Variants in CSMD2 observed in about 807,000 individuals in gnomAD.
CSMD2 encodes the protein CUB and sushi domain-containing protein 2.
Under a neutral mutation model 398.5 loss-of-function variants are expected in CSMD2, and 130 were observed. The observed-to-expected ratio is 0.33, with a 90% CI of 0.28 to 0.38. CSMD2 has a LOEUF of 0.38. Among genes scored for constraint, CSMD2 ranks in the 10% least tolerant of loss-of-function variants. The pLI, the probability that CSMD2 is intolerant of heterozygous loss-of-function variation, is 1.00. For missense variants in CSMD2, 3,829 were observed against 4,764.9 expected (o/e 0.80, Z 5.78); for synonymous variants, 1,828 against 1,908.5 (o/e 0.96, Z 1.10).
chr1:34,001,377 G>A (rs1224665544), intron 3 of CSMD2, among the ~76,000 whole-genome samples: 1 of 152,170 alleles, frequency 6.6e-6, no homozygotes, highest in Non-Finnish European at 1.5e-5. Flanking sequence ...GTATTCTGGT[G>A]AAGATACTAC....
At chr1:34,156,347 C>A (rs373498810) in intron 1 of CSMD2, among the ~76,000 whole-genome samples, 22 of 152,140 alleles carry the variant, frequency 1.4e-4, no homozygotes, top group East Asian at 1.4e-3. Context: ...TGAAGACAAA[C>A]CTCCCGAGGC....
At chr1:33,819,415 C>T (rs1657842099) in intron 9 of CSMD2, among the ~76,000 whole-genome samples, 1 of 152,124 alleles carries the variant, frequency 6.6e-6, no homozygotes. Flanking sequence ...GTTCAGTATC[C>T]ATTCAATGAG....
chr1:33,583,929 A>G, intron 46 of CSMD2, 99 bp from the exon 47 acceptor site: 1 of 1,001,012 alleles, frequency 1.0e-6, no homozygotes. Context: ...CCCCTAGAAA[A>G]TCAGTATTTG....
At chr1:34,030,341 C>T (rs550159249) in intron 3 of CSMD2, among the ~76,000 whole-genome samples, 1 of 152,312 alleles carries the variant, frequency 6.6e-6, no homozygotes, top group Admixed American at 6.5e-5. Flanking sequence ...TGCATAGGGT[C>T]TCTGTCACAA....
At chr1:33,779,533 G>A (rs1355773277) in intron 12 of CSMD2, among the ~76,000 whole-genome samples, 12 of 152,184 alleles carry the variant, frequency 7.9e-5, no homozygotes, top group South Asian at 6.2e-4. Context: ...TGTCGCTGCT[G>A]TTTGCAGAGC....
chr1:34,147,848 G>A (rs535601567), intron 1 of CSMD2, among the ~76,000 whole-genome samples: 34 of 152,288 alleles, frequency 2.2e-4, no homozygotes, highest in African/African-American at 7.2e-4. Context: ...CAAGGCTCAC[G>A]CAGCTGTTTC....
Position 33,583,633 on chromosome 1 carries a change from C to T in CSMD2, c.7240+9G>A. 6.2e-7 allele frequency: 1 copy of T among 1,612,758 alleles called. No homozygotes were observed. Among genetic ancestry groups the T allele is most frequent in the Non-Finnish European group, 8.5e-7 (1 of 1,179,118 alleles). On this transcript the variant is annotated intron_variant, in intron 47 of 70. Transcript: ENST00000373381. ...CAGCAGAGAACTGTGAGGCATTTGACTGACTTACCATCAAAAATCTCAAAC... is the reference window on the plus strand; with the variant it reads ...CAGCAGAGAACTGTGAGGCATTTGATTGACTTACCATCAAAAATCTCAAAC...
chr1:33,689,778 CAG>C (rs1430116775), intron 25 of CSMD2, among the ~76,000 whole-genome samples: 1 of 152,100 alleles, frequency 6.6e-6, no homozygotes, highest in Non-Finnish European at 1.5e-5. Flanking sequence ...ATGATGTTGA[CAG>C]TGTACTTTCC....
chr1:33,861,501 C>T (rs1035745202), intron 5 of CSMD2, among the ~76,000 whole-genome samples: 9 of 152,160 alleles, frequency 5.9e-5, no homozygotes, highest in South Asian at 2.1e-4. Context: ...CACCTCTTCC[C>T]GGGCATGTGG....
chr1:33,536,880 G>GC (rs1655846182), intron 62 of CSMD2, 142 bp downstream of exon 62: 2 of 733,080 alleles, frequency 2.7e-6, no homozygotes, highest in Non-Finnish European at 4.7e-6. Context: ...TGTTCAAAGA[G>GC]GCAGAGGGCT....
At chr1:33,912,412 C>G (rs916281244) in intron 5 of CSMD2, among the ~76,000 whole-genome samples, 5 of 80,018 alleles carry the variant, frequency 6.2e-5, no homozygotes, top group Non-Finnish European at 1.2e-4. Flanking sequence ...GCATCATACA[C>G]CCCCCCACAC....
At chr1:34,072,595 A>G (rs1655852812) in intron 2 of CSMD2, among the ~76,000 whole-genome samples, 1 of 152,184 alleles carries the variant, frequency 6.6e-6, no homozygotes, top group Non-Finnish European at 1.5e-5. Flanking sequence ...TGCAGGCAGC[A>G]CAGCCTTTTG....
intron 3 of CSMD2, among the ~76,000 whole-genome samples, chr1:33,997,386 A>G (rs1646761779): frequency 1.3e-5 from 2 of 152,158 alleles, no homozygotes; most frequent in Admixed American, 1.3e-4. Flanking sequence ...CGGCATTATT[A>G]TTCTCCTCTT....
At chr1:34,090,174 C>G (rs117674483) in intron 1 of CSMD2, among the ~76,000 whole-genome samples, 2,076 of 152,308 alleles carry the variant, frequency 0.014, 96 homozygotes, top group Admixed American at 0.11. Context: ...ACTGTGCACA[C>G]GCATCACCTG....
At chr1:33,760,466 G>C (rs527724820) in intron 13 of CSMD2, among the ~76,000 whole-genome samples, 17 of 152,278 alleles carry the variant, frequency 1.1e-4, no homozygotes, top group African/African-American at 3.8e-4. Context: ...CAGACCATAA[G>C]TTCTTTGGAA....
intron 25 of CSMD2, among the ~76,000 whole-genome samples, chr1:33,674,856 C>A (rs1175237992): frequency 6.6e-6 from 1 of 152,224 alleles, no homozygotes; most frequent in Non-Finnish European, 1.5e-5. Context: ...TCCTGAATGA[C>A]TACTGGGTAC....
intron 2 of CSMD2, among the ~76,000 whole-genome samples, chr1:34,088,727 C>G (rs535751906): frequency 1.3e-5 from 2 of 152,310 alleles, no homozygotes; most frequent in Admixed American, 6.5e-5. Context: ...AAAGAAAGAG[C>G]TGAATTTGTC....
chr1:33,984,304 G>C (rs1646274098), intron 3 of CSMD2, among the ~76,000 whole-genome samples: 1 of 152,194 alleles, frequency 6.6e-6, no homozygotes, highest in African/African-American at 2.4e-5. Flanking sequence ...TTCTTCAACA[G>C]TGTAGAGATC....
chr1:33,760,229 CG>C (rs34682422), intron 13 of CSMD2, among the ~76,000 whole-genome samples: 1 of 152,356 alleles, frequency 6.6e-6, no homozygotes, highest in African/African-American at 2.4e-5. Flanking sequence ...GTGCTTACCC[CG>C]GCCTTTAGGC....
Sources: gnomAD v4.1 joint callset for allele counts (sites outside exome capture counted in the v4.1 genomes callset) on GRCh38, gnomAD v4.1.1 for gene constraint, MANE v1.5 for transcripts, NCBI Gene and HGNC (gene_info 2026-07-23, HGNC 2026-07-21) for gene names.